NPAS1: variants seen among roughly 807,000 people sequenced by gnomAD.
The protein encoded by NPAS1 is neuronal PAS domain protein 1, also known as neuronal PAS domain-containing protein 1.
NPAS1 carries 29 observed loss-of-function variants against 49.2 expected under a neutral mutation model. The ratio of observed to expected loss-of-function variants is 0.59; its 90% CI spans 0.44 to 0.80. The LOEUF is 0.80. Ranked by LOEUF, NPAS1 falls within the 30% of genes least tolerant of loss-of-function variation. The pLI is 0.00. For missense variants in NPAS1, 825 were observed against 835.5 expected, an observed-to-expected ratio of 0.99 and a Z score of 0.15; for synonymous variants, 408 against 380.4, an observed-to-expected ratio of 1.07 and a Z score of -0.84.
At chr19:47,038,908 A>G in intron 6 of NPAS1, 128 bp from the exon 7 acceptor site, 4 of 728,748 alleles carry the variant, frequency 5.5e-6, no homozygotes, top group Non-Finnish European at 9.6e-6. Context: ...ATCATCAGGC[A>G]TGCCTCTGAG....
chr19:47,021,184 GC>G lies in NPAS1; in HGVS notation c.122+21del. On this transcript the variant is annotated intron_variant, in intron 2 of 11. Transcript: ENST00000602212. The surrounding 1 kb of genome is among the most constrained non-coding windows in gnomAD (Gnocchi z 5.7). ...TCCGGACCGTGGTGAGCAAAGCCCC[GC>G]CCCCCTGGCCGCGGGCCCCCCCCCG... is the stretch of plus-strand genomic sequence containing the variant. 4.0e-6 allele frequency: 6 copies of G among 1,511,958 alleles called. No homozygotes were observed. Among genetic ancestry groups the G allele is most frequent in the South Asian group, 2.6e-5 (2 of 77,664 alleles). The allele number at this position is 1,511,958 out of a possible 1,614,324, so 93.7% of individuals were successfully genotyped here.
chr19:47,032,628 C>T lies in NPAS1; in HGVS notation c.433-15C>T. 6.2e-7 allele frequency: 1 copy of T among 1,611,600 alleles called. No individual in the cohort carries two copies. ...GGGTCCTCTCCTTCCCCCTCCCTGTCTCTCCCGGCTCTAGTCCCTGGATGG... is the reference window on the plus strand; with the variant it reads ...GGGTCCTCTCCTTCCCCCTCCCTGTTTCTCCCGGCTCTAGTCCCTGGATGG... On this transcript the variant is annotated splice_polypyrimidine_tract_variant and intron_variant, in intron 4 of 11. Coordinates refer to ENST00000602212, the MANE Select transcript of NPAS1 (RefSeq NM_002517.4).
intron 8 of NPAS1, 56 bp from the exon 9 acceptor site, chr19:47,040,388 C>CCT: frequency 8.0e-7 from 1 of 1,246,062 alleles, no homozygotes; most frequent in Non-Finnish European, 1.1e-6. Flanking sequence ...GCCAACTCTG[C>CCT]CTCTCCCCCA....
chr19:47,040,707 G>A, intron 9 of NPAS1, 157 bp downstream of exon 9: 1 of 625,064 alleles, frequency 1.6e-6, no homozygotes, highest in East Asian at 2.8e-5. Context: ...AGAGCAGCAA[G>A]GAGACTGAGT....
At chr19:47,020,587 G>A (rs979525025) in intron 1 of NPAS1, among the ~76,000 whole-genome samples, 1 of 151,568 alleles carries the variant, frequency 6.6e-6, no homozygotes, top group African/African-American at 2.4e-5. Context: ...GGATGGGCTT[G>A]GGGGGCGGGT....
At chr19:47,035,861 G>A in intron 5 of NPAS1, 103 bp from the exon 6 acceptor site, 2 of 1,178,350 alleles carry the variant, frequency 1.7e-6, no homozygotes, top group Non-Finnish European at 2.3e-6. Context: ...GGCATGAAGC[G>A]CACCTGCGTG....
At chr19:47,026,927 T>C (rs1419026262) in intron 3 of NPAS1, among the ~76,000 whole-genome samples, 1 of 148,692 alleles carries the variant, frequency 6.7e-6, no homozygotes, top group Admixed American at 6.8e-5. Context: ...CACTCTAGCC[T>C]GGGTGTCAGT....
Position 47,045,516 on chromosome 19 carries a change from C to G in NPAS1, c.1638C>G (p.Pro546=). ...CACCCGGCACCATCCGCTACGGCCCCGCGGAGCTGGGCCTGGTGTACCCGC... is the reference window on the plus strand; with the variant it reads ...CACCCGGCACCATCCGCTACGGCCCGGCGGAGCTGGGCCTGGTGTACCCGC... The part of the protein sequence containing the change: ...LCTPGTIRYG[P]AELGLVYPHL... Residue 546 remains proline, a synonymous_variant, in exon 12 of 12, where the codon CCC becomes CCG. Transcript: ENST00000602212. The G allele has an allele frequency of 6.5e-7, 1 of 1,538,312 alleles. No homozygotes were observed. The highest frequency in any genetic ancestry group is 8.7e-7 in the Non-Finnish European group (1 of 1,148,296).
chr19:47,034,314 CAAA>C (rs76817156), intron 5 of NPAS1, among the ~76,000 whole-genome samples: 2 of 92,710 alleles, frequency 2.2e-5, no homozygotes, highest in Non-Finnish European at 4.0e-5. Flanking sequence ...AACTCCGTCT[CAAA>C]AAAAAAAAAA....
intron 3 of NPAS1, among the ~76,000 whole-genome samples, chr19:47,027,422 C>G (rs2056879417): frequency 7.4e-6 from 1 of 135,402 alleles, no homozygotes; most frequent in Non-Finnish European, 1.6e-5. Context: ...CTGGGTCCCC[C>G]TCTCTCTGCG....
chr19:47,019,997 G>A lies in NPAS1; in HGVS notation c.-43G>A. The A allele has an allele frequency of 2.5e-6, 1 of 395,464 alleles. No individual in the cohort carries two copies. The highest frequency in any genetic ancestry group is 4.5e-6 in the Non-Finnish European group (1 of 224,108). The allele number at this position is 395,464 out of a possible 1,614,324, so 24.5% of individuals were successfully genotyped here. A position where few individuals can be genotyped will look rare whatever the true frequency, so the allele number is the denominator to read the frequency against. On this transcript the variant is annotated splice_region_variant and 5_prime_UTR_variant, in exon 1 of 12. Coordinates refer to ENST00000602212, the MANE Select transcript of NPAS1 (RefSeq NM_002517.4). The stretch of plus-strand genomic sequence containing the variant: ...AAGTAATCGGACTGGCGGTCCTGCG[G>A]GTAGGGGAAGCTTGCGGGCTGGCAG...
Position 47,040,471 on chromosome 19 carries a change from C to T in NPAS1, c.990C>T (p.Pro330=). 6.2e-7 allele frequency: 1 copy of T among 1,603,006 alleles called. No homozygotes were observed. Among genetic ancestry groups the T allele is most frequent in the Non-Finnish European group, 8.5e-7 (1 of 1,175,348 alleles). ...SRVSDHMDLG[P]SELVGRSCYQ... ...TCAGCGACCACATGGACCTGGGGCCCTCAGAGCTGGTGGGCCGCAGCTGCT... is the reference window on the plus strand; with the variant it reads ...TCAGCGACCACATGGACCTGGGGCCTTCAGAGCTGGTGGGCCGCAGCTGCT... The change falls in exon 9 of 12, where the codon CCC becomes CCT. Residue 330 remains proline, a synonymous_variant. Coordinates refer to ENST00000602212, the MANE Select transcript of NPAS1 (RefSeq NM_002517.4).
intron 11 of NPAS1, among the ~76,000 whole-genome samples, chr19:47,043,512 C>T (rs901599192): frequency 4.6e-5 from 7 of 152,020 alleles, no homozygotes; most frequent in Admixed American, 1.3e-4. Context: ...ATCGCTTGAA[C>T]CCGGAGGGCA....
At position 47,032,113 on chromosome 19, in the gene NPAS1, C is replaced by T. The variant is rs73059353; in HGVS notation, c.359-165C>T. The stretch of plus-strand genomic sequence containing the variant: ...AGTCTGTCACTCACTGTCCCACCCA[C>T]CTGTGTGTCCCACGCCCCAGGTCTC... On this transcript the variant is annotated intron_variant, in intron 3 of 11. Transcript: ENST00000602212. Among the ~76,000 whole-genome samples, 859 of 152,250 alleles carry T rather than the reference C, an allele frequency of 5.6e-3. 5 individuals carry two copies. The highest frequency in any genetic ancestry group is 0.01 in the Non-Finnish European group (704 of 68,008).
intron 3 of NPAS1, among the ~76,000 whole-genome samples, chr19:47,031,497 C>T (rs1183825452): frequency 6.7e-6 from 1 of 149,180 alleles, no homozygotes; most frequent in East Asian, 2.0e-4. Context: ...CTCGCCCAGC[C>T]TGTTGGTTTC....
intron 1 of NPAS1, 185 bp from the exon 2 acceptor site, chr19:47,020,821 C>A: frequency 2.7e-6 from 1 of 377,010 alleles, no homozygotes; most frequent in Non-Finnish European, 4.7e-6. Context: ...CGTCCTCACC[C>A]GGAGCGCCAG....
intron 3 of NPAS1, among the ~76,000 whole-genome samples, chr19:47,023,909 A>T (rs949068833): frequency 6.6e-6 from 1 of 152,108 alleles, no homozygotes; most frequent in East Asian, 1.9e-4. Context: ...GTTCGAGACC[A>T]TCCTGGCCAA....
rs1413397013 is a variant in NPAS1 at position 47,045,573 on chromosome 19, C to T, written c.1695C>T (p.Leu565=). ...AGAGGCTGGGTCCGGGCCCCGCGCT[C>T]CCGGAGGCCTTTTACCCGCCCCTGG... is the stretch of plus-strand genomic sequence containing the variant. ...HLQRLGPGPA[L]PEAFYPPLGL... The change falls in exon 12 of 12, where the codon CTC becomes CTT. Residue 565 remains leucine, a synonymous_variant. Coordinates refer to ENST00000602212, the MANE Select transcript of NPAS1 (RefSeq NM_002517.4). 1 of 1,491,860 alleles carries T rather than the reference C, an allele frequency of 6.7e-7. No homozygotes were observed. The highest frequency in any genetic ancestry group is 2.6e-5 in the East Asian group (1 of 39,116). The allele number at this position is 1,491,860 out of a possible 1,614,324, so 92.4% of individuals were successfully genotyped here. A position where few individuals can be genotyped will look rare whatever the true frequency, so the allele number is the denominator to read the frequency against.
intron 10 of NPAS1, 40 bp downstream of exon 10, chr19:47,041,165 C>T (rs1458981341): frequency 6.7e-7 from 1 of 1,492,186 alleles, no homozygotes; most frequent in Non-Finnish European, 8.9e-7. Context: ...GCACTCAGGG[C>T]CCTGCTGTCT....
Sources: gnomAD v4.1 joint callset for allele counts (sites outside exome capture counted in the v4.1 genomes callset) on GRCh38, gnomAD v4.1.1 for gene constraint, Gnocchi (gnomAD v3.1) non-coding constraint, MANE v1.5 for transcripts, NCBI Gene and HGNC (gene_info 2026-07-23, HGNC 2026-07-21) for gene names.